TMEM232: variants seen among roughly 807,000 people sequenced by gnomAD.
TMEM232 encodes the protein transmembrane protein 232.
In TMEM232, 80 loss-of-function variants were observed where a neutral mutation model predicts 78.8. The ratio of observed to expected loss-of-function variants is 1.01; its 90% CI spans 0.85 to 1.22. The LOEUF (loss-of-function observed/expected upper bound fraction) is 1.22. Ranked by LOEUF, TMEM232 falls within the 50% of genes most tolerant of loss-of-function variation. TMEM232 has a pLI of 0.00. For missense variants in TMEM232, 881 were observed against 742.2 expected, an observed-to-expected ratio of 1.19 and a Z score of -2.17; for synonymous variants, 297 against 254.3, an observed-to-expected ratio of 1.17 and a Z score of -1.60.
At position 110,625,975 on chromosome 5, in the gene TMEM232, C is replaced by T. The variant is rs562121479; in HGVS notation, c.602-542G>A. Among the ~76,000 whole-genome samples the T allele has an allele frequency of 6.0e-5, 9 of 149,072 alleles. No homozygotes were observed. The East Asian group carries it at 1.7e-3, about 29-fold the overall frequency. On this transcript the variant is annotated intron_variant, in intron 6 of 13. Coordinates refer to ENST00000455884, the MANE Select transcript of TMEM232 (RefSeq NM_001039763.4). ...ATCTCAGTGCTGCTCTTTGTATAAA[C>T]TTTTAGACAAACTTTGGGTTTTAGT...
At chr5:110,548,842 T>G (rs1052645297) in intron 11 of TMEM232, among the ~76,000 whole-genome samples, 1 of 152,090 alleles carries the variant, frequency 6.6e-6, no homozygotes, top group Non-Finnish European at 1.5e-5. Context: ...AAAAGAGATC[T>G]GTTGTAGTTA....
intron 2 of TMEM232, among the ~76,000 whole-genome samples, chr5:110,665,860 G>A (rs1790497798): frequency 7.4e-6 from 1 of 135,144 alleles, no homozygotes; most frequent in African/African-American, 2.8e-5. Context: ...TTCAAGACCA[G>A]CCTGGGCAAC....
upstream of TMEM232, among the ~76,000 whole-genome samples, chr5:110,731,369 C>A (rs1798665289): frequency 6.6e-6 from 1 of 152,204 alleles, no homozygotes; most frequent in African/African-American, 2.4e-5. Flanking sequence ...ATAGTCAGTA[C>A]CCCAGTAGGG....
chr5:110,602,698 G>C lies in TMEM232; in HGVS notation c.1276+2411C>G, dbSNP rs988543482. On this transcript the variant is annotated intron_variant, in intron 10 of 13. Transcript: ENST00000455884. ...GAATGCTTTTACACTGTTGGTGGGA[G>C]TGTAAATTAGTTTAACCATTGTGGA... Among the ~76,000 whole-genome samples, 6 of 152,270 alleles carry C rather than the reference G, an allele frequency of 3.9e-5. No homozygotes were observed. The South Asian group carries it at 1.2e-3, about 32-fold the overall frequency.
intron 2 of TMEM232, among the ~76,000 whole-genome samples, chr5:110,409,885 T>C (rs1755925034): frequency 1.3e-5 from 2 of 152,178 alleles, no homozygotes; most frequent in Non-Finnish European, 2.9e-5. Flanking sequence ...GCCCTCCCTA[T>C]AAGGCAAAGA....
chr5:110,474,813 C>A (rs1330214432), intron 12 of TMEM232, among the ~76,000 whole-genome samples: 2 of 151,618 alleles, frequency 1.3e-5, no homozygotes, highest in African/African-American at 4.8e-5. Context: ...CAAGAAAAAA[C>A]AAATAATGCT....
intron 1 of TMEM232, among the ~76,000 whole-genome samples, chr5:110,692,701 T>G (rs1208227461): frequency 6.6e-6 from 1 of 152,220 alleles, no homozygotes; most frequent in Non-Finnish European, 1.5e-5. Flanking sequence ...CATCGCTCAT[T>G]GCTAGCACAG....
At chr5:110,531,319 C>T (rs559435587) in intron 11 of TMEM232, among the ~76,000 whole-genome samples, 15 of 152,298 alleles carry the variant, frequency 9.8e-5, no homozygotes, top group Admixed American at 2.0e-4. Context: ...TCTCTTCACA[C>T]GGACACACAT....
intron 10 of TMEM232, among the ~76,000 whole-genome samples, chr5:110,602,451 A>G (rs1313439710): frequency 7.1e-6 from 1 of 140,110 alleles, no homozygotes; most frequent in Non-Finnish European, 1.6e-5. Flanking sequence ...AATTTACAAG[A>G]AAAAAAAACC....
At chr5:110,550,411 G>A (rs1375652619) in intron 11 of TMEM232, among the ~76,000 whole-genome samples, 5 of 152,080 alleles carry the variant, frequency 3.3e-5, no homozygotes, top group African/African-American at 1.2e-4. Context: ...TACTAAAAGT[G>A]GCTAAACAGT....
At chr5:110,721,103 G>C (rs72773182) in intron 1 of TMEM232, among the ~76,000 whole-genome samples, 5 of 151,924 alleles carry the variant, frequency 3.3e-5, no homozygotes, top group African/African-American at 9.7e-5. Context: ...AGTTATTCCC[G>C]GTAAAGTTAT....
chr5:110,700,818 A>G (rs1260075726), intron 1 of TMEM232, among the ~76,000 whole-genome samples: 1 of 151,864 alleles, frequency 6.6e-6, no homozygotes, highest in Non-Finnish European at 1.5e-5. Context: ...AGATAGATAG[A>G]TAGATAGATA....
intron 10 of TMEM232, among the ~76,000 whole-genome samples, chr5:110,584,671 G>A (rs7723216): frequency 0.045 from 6,835 of 152,072 alleles, 545 homozygotes; most frequent in African/African-American, 0.16. Flanking sequence ...TGGATGGGAG[G>A]AGTGAAGTGT....
chr5:110,533,186 C>A (rs988346236), intron 11 of TMEM232, among the ~76,000 whole-genome samples: 6 of 152,300 alleles, frequency 3.9e-5, no homozygotes, highest in South Asian at 4.1e-4. Context: ...CAGCAGATTA[C>A]CTAGGCTGTA....
At chr5:110,407,454 G>A (rs1293291337) in intron 2 of TMEM232, among the ~76,000 whole-genome samples, 5 of 151,936 alleles carry the variant, frequency 3.3e-5, no homozygotes, top group Non-Finnish European at 7.4e-5. Context: ...ATTGATAAAG[G>A]GGTCAATTTA....
At chr5:110,537,171 C>T (rs558005569) in intron 11 of TMEM232, among the ~76,000 whole-genome samples, 1 of 152,246 alleles carries the variant, frequency 6.6e-6, no homozygotes, top group South Asian at 2.1e-4. Flanking sequence ...ATCTATTCCA[C>T]CTGATTCCAC....
At chr5:110,391,326 T>TGTGTGTGTGTGTGTGTGAGA (rs549361387) in intron 3 of TMEM232, among the ~76,000 whole-genome samples, 12 of 139,924 alleles carry the variant, frequency 8.6e-5, no homozygotes, top group African/African-American at 3.2e-4. Flanking sequence ...TGTGTGTGTG[T>TGTGTGTGTGTGTGTGTGAGA]GAGAGAGAGA....
chr5:110,504,033 G>A (rs1000438825), intron 12 of TMEM232, among the ~76,000 whole-genome samples: 1 of 152,170 alleles, frequency 6.6e-6, no homozygotes, highest in African/African-American at 2.4e-5. Flanking sequence ...GGCAGTTTAT[G>A]AGCCTGAATC....
chr5:110,680,774 T>G (rs1294695445), intron 1 of TMEM232, among the ~76,000 whole-genome samples: 2 of 152,048 alleles, frequency 1.3e-5, no homozygotes, highest in East Asian at 3.9e-4. Flanking sequence ...CATTAACATA[T>G]TTTTCATATT....
Sources: allele counts gnomAD v4.1 joint callset (sites outside exome capture counted in the v4.1 genomes callset), GRCh38; gene constraint gnomAD v4.1.1; transcripts MANE v1.5; gene names NCBI Gene and HGNC (gene_info 2026-07-23, HGNC 2026-07-21).